The following MALRD1 variants were observed in gnomAD, a reference collection of about 807,000 sequenced individuals.
MALRD1 encodes MAM and LDL-receptor class A domain-containing protein 1.
Under a neutral mutation model 242.1 loss-of-function variants are expected in MALRD1, and 247 were observed. The ratio of observed to expected loss-of-function variants is 1.02; its 90% CI spans 0.92 to 1.13. The LOEUF (loss-of-function observed/expected upper bound fraction) is 1.13. MALRD1 is among the 50% of genes most tolerant of loss of function. The pLI, the probability that MALRD1 is intolerant of heterozygous loss-of-function variation, is 0.00. For synonymous variants in MALRD1, 995 were observed against 866.6 expected (o/e 1.15, Z -2.60); for missense variants, 2,989 against 2,533.1 (o/e 1.18, Z -3.86).
chr10:19,615,811 A>C, intron 35 of MALRD1, 46 bp from the exon 36 acceptor site: 1 of 1,330,650 alleles, frequency 7.5e-7, no homozygotes, highest in South Asian at 1.3e-5. Flanking sequence ...TCTTCCTCCT[A>C]ATACTATTTA....
intron 2 of MALRD1, among the ~76,000 whole-genome samples, chr10:19,080,646 A>G (rs1490434098): frequency 6.6e-6 from 1 of 152,046 alleles, no homozygotes; most frequent in Admixed American, 6.6e-5. Flanking sequence ...TACATGTAAA[A>G]CCTAAAACTA....
intron 24 of MALRD1, among the ~76,000 whole-genome samples, chr10:19,339,969 A>G (rs1159323362): frequency 6.6e-6 from 1 of 152,128 alleles, no homozygotes; most frequent in East Asian, 1.9e-4. Flanking sequence ...AGAGAGAACG[A>G]AGGAGTGAGT....
At chr10:19,447,081 C>CACAG (rs1280128038) in intron 28 of MALRD1, among the ~76,000 whole-genome samples, 1 of 132,098 alleles carries the variant, frequency 7.6e-6, no homozygotes, top group Non-Finnish European at 1.7e-5. Context: ...CACACACACA[C>CACAG]ACACACACAC....
At chr10:19,109,094 A>G (rs1836581345) in intron 5 of MALRD1, among the ~76,000 whole-genome samples, 1 of 152,180 alleles carries the variant, frequency 6.6e-6, no homozygotes, top group Non-Finnish European at 1.5e-5. Flanking sequence ...ACAGTAGTGT[A>G]GTCTCAGAGT....
chr10:19,277,569 G>T (rs1046758985), intron 19 of MALRD1, among the ~76,000 whole-genome samples: 1 of 152,034 alleles, frequency 6.6e-6, no homozygotes, highest in Non-Finnish European at 1.5e-5. Flanking sequence ...TATGAAATCT[G>T]GTCAACTCTC....
intron 28 of MALRD1, among the ~76,000 whole-genome samples, chr10:19,390,753 A>G (rs1846304720): frequency 6.6e-6 from 1 of 152,156 alleles, no homozygotes; most frequent in Non-Finnish European, 1.5e-5. Context: ...AAGAGCTTAT[A>G]CCTATGAACA....
Position 19,049,281 on chromosome 10 carries a change from A to G in MALRD1, c.199+144A>G, listed in dbSNP as rs145578391. On this transcript the variant is annotated intron_variant, in intron 1 of 39. Coordinates refer to ENST00000454679, the MANE Select transcript of MALRD1 (RefSeq NM_001142308.3). Reference sequence around the variant, plus strand: ...CCTTTAGTGTAGATCAGAAACTAAGATATATTGTTTACTAAAGAGATGAGT... The same window carrying G: ...CCTTTAGTGTAGATCAGAAACTAAGGTATATTGTTTACTAAAGAGATGAGT... The G allele has an allele frequency of 2.5e-5, 13 of 520,494 alleles. No homozygotes were observed. The African/African-American group carries it at 2.5e-4, about 10-fold the overall frequency. 32.2% of individuals were successfully genotyped at this position (520,494 alleles called of 1,614,324 possible). A position where few individuals can be genotyped will look rare whatever the true frequency, so the allele number is the denominator to read the frequency against.
intron 8 of MALRD1, among the ~76,000 whole-genome samples, chr10:19,132,395 A>G (rs1833145640): frequency 6.6e-6 from 1 of 152,218 alleles, no homozygotes; most frequent in South Asian, 2.1e-4. Flanking sequence ...CGTGTGCTTC[A>G]CTGTCTTGTG....
intron 31 of MALRD1, among the ~76,000 whole-genome samples, chr10:19,502,203 C>T (rs1380720727): frequency 6.6e-6 from 1 of 151,778 alleles, no homozygotes; most frequent in African/African-American, 2.4e-5. Flanking sequence ...TTTACTTTTT[C>T]TTCAATATTT....
At chr10:19,234,508 A>G (rs1425326103) in intron 18 of MALRD1, among the ~76,000 whole-genome samples, 4 of 152,190 alleles carry the variant, frequency 2.6e-5, no homozygotes, top group Non-Finnish European at 5.9e-5. Flanking sequence ...ATCAATAAAA[A>G]GTATCGATTT....
At chr10:19,657,549 T>C (rs1841217066) in intron 36 of MALRD1, among the ~76,000 whole-genome samples, 1 of 151,960 alleles carries the variant, frequency 6.6e-6, no homozygotes, top group African/African-American at 2.4e-5. Context: ...CTTAACATTT[T>C]TTTTTAGTTT....
chr10:19,550,540 A>G (rs7080236), intron 32 of MALRD1, among the ~76,000 whole-genome samples: 57,622 of 151,658 alleles, frequency 0.38, 12,470 homozygotes, highest in Non-Finnish European at 0.49. Flanking sequence ...GTTCCCCTCT[A>G]TGTGTCCACA....
At chr10:19,730,818 A>G in intron 39 of MALRD1, 37 bp downstream of exon 39, 2 of 1,489,216 alleles carry the variant, frequency 1.3e-6, no homozygotes, top group Non-Finnish European at 1.8e-6. Flanking sequence ...TTTCACACAT[A>G]TGCACACACA....
intron 36 of MALRD1, among the ~76,000 whole-genome samples, chr10:19,624,007 A>G (rs945224947): frequency 9.2e-5 from 14 of 152,180 alleles, no homozygotes. Flanking sequence ...CACCTCTTGA[A>G]TAAGCAACAT....
chr10:19,457,864 G>T (rs1486134969), intron 29 of MALRD1, among the ~76,000 whole-genome samples: 2 of 151,556 alleles, frequency 1.3e-5, no homozygotes, highest in East Asian at 1.9e-4. Flanking sequence ...GTTAAGTGAT[G>T]TTTTAAAATT....
At chr10:19,537,065 C>G (rs1398355918) in intron 32 of MALRD1, among the ~76,000 whole-genome samples, 2 of 152,148 alleles carry the variant, frequency 1.3e-5, no homozygotes, top group African/African-American at 4.8e-5. Flanking sequence ...ATTTCGAGGG[C>G]TGGCATAGCT....
At chr10:19,579,228 A>G (rs1836982030) in intron 33 of MALRD1, among the ~76,000 whole-genome samples, 1 of 152,156 alleles carries the variant, frequency 6.6e-6, no homozygotes, top group Admixed American at 6.6e-5. Flanking sequence ...TGCACCTGGA[A>G]GGTCTCTAAT....
intron 33 of MALRD1, among the ~76,000 whole-genome samples, chr10:19,589,810 G>T (rs1338710093): frequency 6.6e-6 from 1 of 152,012 alleles, no homozygotes; most frequent in Non-Finnish European, 1.5e-5. Flanking sequence ...TACTCTTTGG[G>T]GTATATGCGA....
intron 5 of MALRD1, among the ~76,000 whole-genome samples, chr10:19,109,030 T>C (rs1836578031): frequency 6.6e-6 from 1 of 152,200 alleles, no homozygotes; most frequent in Non-Finnish European, 1.5e-5. Flanking sequence ...TTACTACACC[T>C]GTGCTTTAGA....
Sources: allele counts gnomAD v4.1 joint callset (sites outside exome capture counted in the v4.1 genomes callset), GRCh38; gene constraint gnomAD v4.1.1; transcripts MANE v1.5; gene names NCBI Gene and HGNC (gene_info 2026-07-23, HGNC 2026-07-21).